TMPRSS11F: variants seen among roughly 807,000 people sequenced by gnomAD.
TMPRSS11F encodes transmembrane protease serine 11F.
A neutral mutation model predicts 60.2 loss-of-function variants in TMPRSS11F; 47 were observed. That is an observed-to-expected ratio of 0.78 (90% CI 0.62 to 1.00). The LOEUF is 1.00. Ranked by LOEUF, TMPRSS11F falls within the 50% of genes least tolerant of loss-of-function variation. The pLI, the probability that TMPRSS11F is intolerant of heterozygous loss-of-function variation, is 0.00. For missense variants in TMPRSS11F, 519 were observed against 522.9 expected (o/e 0.99, Z 0.07); for synonymous variants, 166 against 167.3 (o/e 0.99, Z 0.06).
intron 1 of TMPRSS11F, among the ~76,000 whole-genome samples, chr4:68,105,755 AT>A (rs1274409050): frequency 1.3e-5 from 2 of 152,162 alleles, no homozygotes; most frequent in Non-Finnish European, 2.9e-5. Flanking sequence ...CACTAATATT[AT>A]TTTTGTTTAA....
chr4:68,123,466 C>T (rs1053865968), intron 1 of TMPRSS11F, among the ~76,000 whole-genome samples: 1 of 152,040 alleles, frequency 6.6e-6, no homozygotes, highest in Non-Finnish European at 1.5e-5. Context: ...TGATAATATC[C>T]GAAGAGCCCA....
intron 2 of TMPRSS11F, among the ~76,000 whole-genome samples, chr4:68,092,037 A>C (rs7688303): frequency 0.42 from 63,936 of 151,706 alleles, 14,266 homozygotes; most frequent in Non-Finnish European, 0.52. Context: ...CCATGAGCCT[A>C]GGCCTCCCAA....
intron 1 of TMPRSS11F, among the ~76,000 whole-genome samples, chr4:68,129,067 C>T (rs1196066166): frequency 1.3e-5 from 2 of 152,084 alleles, no homozygotes; most frequent in Non-Finnish European, 2.9e-5. Flanking sequence ...GTAGAAAGAT[C>T]GAGAACCTTT....
intron 1 of TMPRSS11F, among the ~76,000 whole-genome samples, chr4:68,120,659 A>T (rs1198889132): frequency 6.6e-6 from 1 of 152,126 alleles, no homozygotes; most frequent in Non-Finnish European, 1.5e-5. Context: ...AAGTGCTGGG[A>T]TTACAGGCGT....
At chr4:68,065,377 C>T (rs138057041) in intron 7 of TMPRSS11F, among the ~76,000 whole-genome samples, 362 of 152,264 alleles carry the variant, frequency 2.4e-3, no homozygotes, top group Non-Finnish European at 4.0e-3. Flanking sequence ...AATTTGTCTG[C>T]TTTGCAAACC....
At chr4:68,102,074 A>G (rs535714539) in intron 1 of TMPRSS11F, among the ~76,000 whole-genome samples, 1 of 152,206 alleles carries the variant, frequency 6.6e-6, no homozygotes, top group South Asian at 2.1e-4. Context: ...AGATAATGCA[A>G]TATTTTTCTC....
intron 3 of TMPRSS11F, among the ~76,000 whole-genome samples, chr4:68,086,184 C>T (rs1723807102): frequency 6.6e-6 from 1 of 152,086 alleles, no homozygotes; most frequent in African/African-American, 2.4e-5. Context: ...ACTCTCATAC[C>T]ACAGTGCAAT....
intron 1 of TMPRSS11F, among the ~76,000 whole-genome samples, chr4:68,109,777 G>T (rs947151141): frequency 1.3e-5 from 2 of 152,002 alleles, no homozygotes; most frequent in Non-Finnish European, 2.9e-5. Context: ...CCCTCCATTG[G>T]GTTTATTTCT....
intron 1 of TMPRSS11F, among the ~76,000 whole-genome samples, chr4:68,113,791 C>G (rs1202628584): frequency 6.6e-6 from 1 of 152,094 alleles, no homozygotes; most frequent in African/African-American, 2.4e-5. Flanking sequence ...ACCTAGTTGA[C>G]ATTTATAGAA....
intron 4 of TMPRSS11F, among the ~76,000 whole-genome samples, chr4:68,073,610 T>C (rs1447107725): frequency 6.6e-6 from 1 of 152,050 alleles, no homozygotes; most frequent in Non-Finnish European, 1.5e-5. Context: ...TCTGGTGGAG[T>C]AGGCTTAAAA....
chr4:68,060,963 A>T (rs1302470956), intron 8 of TMPRSS11F, among the ~76,000 whole-genome samples: 1 of 152,058 alleles, frequency 6.6e-6, no homozygotes, highest in African/African-American at 2.4e-5. Context: ...GCAATGATAT[A>T]CTGCTTTTTA....
chr4:68,076,307 A>T (rs1201170315), intron 3 of TMPRSS11F, among the ~76,000 whole-genome samples: 1 of 152,222 alleles, frequency 6.6e-6, no homozygotes, highest in Admixed American at 6.5e-5. Context: ...GAAAACTGTT[A>T]TTAAAATTCC....
intron 2 of TMPRSS11F, among the ~76,000 whole-genome samples, chr4:68,091,649 T>C (rs374235441): frequency 1.3e-5 from 2 of 152,056 alleles, no homozygotes; most frequent in Non-Finnish European, 2.9e-5. Context: ...AGCCCTAATA[T>C]CCACATGGTC....
intron 1 of TMPRSS11F, among the ~76,000 whole-genome samples, chr4:68,102,974 A>C (rs1323987237): frequency 1.7e-5 from 2 of 116,824 alleles, no homozygotes; most frequent in Non-Finnish European, 3.4e-5. Flanking sequence ...CTTTTATCCA[A>C]TTTTGAGTTG....
intron 9 of TMPRSS11F, among the ~76,000 whole-genome samples, 154 bp downstream of exon 9, chr4:68,059,172 A>G (rs1009273540): frequency 1.3e-5 from 2 of 152,154 alleles, no homozygotes; most frequent in African/African-American, 2.4e-5. Context: ...TAAACACTCA[A>G]TACAATTATT....
chr4:68,056,347 T>C (rs1219885508), intron 9 of TMPRSS11F, among the ~76,000 whole-genome samples: 3 of 150,150 alleles, frequency 2.0e-5, no homozygotes, highest in East Asian at 2.0e-4. Flanking sequence ...AAAATCAATA[T>C]ACAAAACTCA....
chr4:68,086,914 T>A (rs776217475), intron 3 of TMPRSS11F, among the ~76,000 whole-genome samples: 1 of 152,066 alleles, frequency 6.6e-6, no homozygotes, highest in Non-Finnish European at 1.5e-5. Flanking sequence ...CTGGACCAGA[T>A]GAATTCACAG....
rs745941419 is a variant in TMPRSS11F at position 68,068,657 on chromosome 4, C to T, written c.716G>A (p.Ser239Asn). The T allele has an allele frequency of 1.4e-5, 23 of 1,614,088 alleles. No individual in the cohort carries two copies. Among genetic ancestry groups the T allele is most frequent in the Non-Finnish European group, 1.6e-5 (19 of 1,180,046 alleles). The change falls in exon 7 of 10, where the codon AGT becomes AAT. Residue 239 changes from serine (S) to asparagine (N), a missense_variant. Physicochemically the swap from Ser to Asn is conservative, Grantham distance 46. Transcript: ENST00000356291. Reference protein sequence around the residue: ...SGHQCGASLISNTWLLTAAHC... With the variant: ...SGHQCGASLINNTWLLTAAHC... ...AGCTGCTGTGAGCAGCCATGTGTTA[C>T]TGATGAGGCTGGCTCCACACTGATG...
At chr4:68,062,765 G>A (rs547733416) in intron 8 of TMPRSS11F, 4 of 742,552 alleles carry the variant, frequency 5.4e-6, no homozygotes, top group South Asian at 2.7e-5. Flanking sequence ...CTTGTATACT[G>A]GATTTGGCCG....
Sources: allele counts gnomAD v4.1 joint callset (sites outside exome capture counted in the v4.1 genomes callset), GRCh38; gene constraint gnomAD v4.1.1; transcripts MANE v1.5; gene names NCBI Gene and HGNC (gene_info 2026-07-23, HGNC 2026-07-21).